The following OTOA variants were observed in gnomAD, a reference collection of about 807,000 sequenced individuals.
The protein encoded by OTOA is cancer/testis antigen 108.
OTOA carries 70 observed loss-of-function variants against 110.8 expected under a neutral mutation model. The ratio of observed to expected loss-of-function variants is 0.63; its 90% confidence interval spans 0.52 to 0.77. The LOEUF is 0.77. OTOA is among the 30% of genes least tolerant of loss of function. The pLI is 0.00. For synonymous variants in OTOA, 373 were observed against 431.5 expected (o/e 0.86, Z 1.68); for missense variants, 917 against 1,075.8 (o/e 0.85, Z 2.06).
chr16:21,712,266 G>A (rs1352535183), intron 13 of OTOA, among the ~76,000 whole-genome samples: 1 of 151,934 alleles, frequency 6.6e-6, no homozygotes, highest in Non-Finnish European at 1.5e-5. Context: ...GGCAGAGGAG[G>A]TTGCAGTGAG....
intron 1 of OTOA, among the ~76,000 whole-genome samples, chr16:21,670,051 G>T (rs187740267): frequency 6.6e-6 from 1 of 152,140 alleles, no homozygotes; most frequent in African/African-American, 2.4e-5. Flanking sequence ...ACTTGAGCCG[G>T]GGAGGCAGAG....
intron 5 of OTOA, among the ~76,000 whole-genome samples, chr16:21,680,711 G>T (rs573297799): frequency 6.6e-6 from 1 of 152,006 alleles, no homozygotes; most frequent in South Asian, 2.1e-4. Flanking sequence ...AAATGAGCTG[G>T]ATGTGGTGGT....
chr16:21,683,903 G>A lies in OTOA; in HGVS notation c.268-1327G>A, dbSNP rs193027664. Among the ~76,000 whole-genome samples the A allele has an allele frequency of 9.4e-4, 142 of 151,636 alleles. 1 individual carries two copies. The highest frequency in any genetic ancestry group is 3.3e-3 in the African/African-American group (137 of 41,382). ...CCTGCCTCAGCCTCCTGAGTAGCTG[G>A]GACTACAGGTGCATGCCATCATGCC... is the stretch of plus-strand genomic sequence containing the variant. On this transcript the variant is annotated intron_variant, in intron 6 of 28. Coordinates refer to ENST00000646100, the MANE Select transcript of OTOA (RefSeq NM_144672.4).
At chr16:21,719,742 A>C (rs1323136808) in intron 17 of OTOA, among the ~76,000 whole-genome samples, 1 of 152,140 alleles carries the variant, frequency 6.6e-6, no homozygotes, top group Non-Finnish European at 1.5e-5. Flanking sequence ...TTAAGCCTTA[A>C]AATATATTCA....
chr16:21,759,144 T>C (rs1219511760), intron 28 of OTOA, among the ~76,000 whole-genome samples: 4 of 152,164 alleles, frequency 2.6e-5, no homozygotes, highest in Admixed American at 6.5e-5. Flanking sequence ...ATATATAAAG[T>C]CTGCAAGGCA....
At chr16:21,688,122 G>A (rs998203387) in intron 8 of OTOA, among the ~76,000 whole-genome samples, 1 of 152,116 alleles carries the variant, frequency 6.6e-6, no homozygotes, top group Non-Finnish European at 1.5e-5. Context: ...GGGTGTGGTA[G>A]CTCACACCTG....
chr16:21,690,807 A>G (rs957658652), intron 8 of OTOA, among the ~76,000 whole-genome samples: 2 of 151,948 alleles, frequency 1.3e-5, no homozygotes, highest in African/African-American at 4.8e-5. Context: ...ACATTCAAGA[A>G]AGGGAAGGTT....
intron 13 of OTOA, among the ~76,000 whole-genome samples, chr16:21,713,422 G>T (rs528444453): frequency 6.6e-6 from 1 of 152,160 alleles, no homozygotes; most frequent in Non-Finnish European, 1.5e-5. Context: ...CTGCAGCTCC[G>T]AGGGCTGGTC....
chr16:21,688,356 T>A (rs918946711), intron 8 of OTOA, among the ~76,000 whole-genome samples: 1 of 151,724 alleles, frequency 6.6e-6, no homozygotes, highest in African/African-American at 2.4e-5. Flanking sequence ...GCCACTGCAC[T>A]CCAACCTGGG....
intron 10 of OTOA, 57 bp from the exon 11 acceptor site, chr16:21,700,831 C>T: frequency 6.2e-7 from 1 of 1,609,252 alleles, no homozygotes; most frequent in East Asian, 2.2e-5. Flanking sequence ...AGGGTGGGGC[C>T]ACACTGGGCC....
At chr16:21,691,537 C>A in intron 8 of OTOA, 47 bp from the exon 9 acceptor site, 2 of 1,500,714 alleles carry the variant, frequency 1.3e-6, no homozygotes, top group Non-Finnish European at 1.9e-6. Flanking sequence ...TTTAATGCAG[C>A]CCCCACCTGC....
rs1213694922 is a variant in OTOA at position 21,726,625 on chromosome 16, G to A, written c.1983G>A (p.Lys661=). The A allele has an allele frequency of 6.2e-7, 1 of 1,614,072 alleles. No homozygotes were observed. Among genetic ancestry groups the A allele is most frequent in the Non-Finnish European group, 8.5e-7 (1 of 1,180,014 alleles). The part of the protein sequence containing the change: ...LDSLVLDSHK[K]TSVLRKVQQC... ...CCTTGGTTTTAGATTCCCACAAAAAGACTTCAGTCCTCAGGAAAGTGCAGC... is the reference window on the plus strand; with the variant it reads ...CCTTGGTTTTAGATTCCCACAAAAAAACTTCAGTCCTCAGGAAAGTGCAGC... Residue 661 remains lysine (K), a synonymous_variant, in exon 19 of 29, where the codon AAG becomes AAA. Transcript: ENST00000646100.
chr16:21,721,343 A>C (rs948379358), intron 17 of OTOA: 4 of 455,748 alleles, frequency 8.8e-6, no homozygotes, highest in Admixed American at 4.7e-5. Flanking sequence ...TTCTCAACAG[A>C]GTACTGTTTT....
chr16:21,672,913 C>T (rs750928094), intron 1 of OTOA, among the ~76,000 whole-genome samples: 77 of 152,090 alleles, frequency 5.1e-4, no homozygotes, highest in Non-Finnish European at 5.6e-4. Context: ...TTTGGGAGGC[C>T]GAGATGGGAG....
chr16:21,723,230 G>T (rs1898814038), intron 18 of OTOA, among the ~76,000 whole-genome samples: 1 of 152,264 alleles, frequency 6.6e-6, no homozygotes, highest in African/African-American at 2.4e-5. Flanking sequence ...ATGAGTGTCA[G>T]TGAGGCAGGT....
chr16:21,747,812 CA>C (rs1899678777), intron 24 of OTOA: 2 of 152,068 alleles, frequency 1.3e-5, no homozygotes, highest in African/African-American at 4.8e-5. Flanking sequence ...TGTATTTTTG[CA>C]CTTTCATTTT....
chr16:21,696,403 A>G (rs1292313645), intron 9 of OTOA, among the ~76,000 whole-genome samples: 2 of 152,144 alleles, frequency 1.3e-5, no homozygotes, highest in East Asian at 3.9e-4. Flanking sequence ...AAAGCATTGT[A>G]GGTGGTGAGC....
At chr16:21,702,989 A>T (rs1344048576) in intron 11 of OTOA, among the ~76,000 whole-genome samples, 2 of 152,044 alleles carry the variant, frequency 1.3e-5, no homozygotes, top group Non-Finnish European at 2.9e-5. Flanking sequence ...TTCTTTTATA[A>T]TTTATTTTTT....
intron 6 of OTOA, among the ~76,000 whole-genome samples, chr16:21,682,919 G>A (rs986357271): frequency 6.6e-6 from 1 of 152,118 alleles, no homozygotes. Context: ...GGCCCCACAT[G>A]GCATCTGCTT....
Sources: allele counts gnomAD v4.1 joint callset (sites outside exome capture counted in the v4.1 genomes callset), GRCh38; gene constraint gnomAD v4.1.1; transcripts MANE v1.5; gene names NCBI Gene and HGNC (gene_info 2026-07-23, HGNC 2026-07-21).